Variants in MOK observed in about 807,000 individuals in gnomAD.
The protein encoded by MOK is MAPK/MAK/MRK overlapping kinase.
A neutral mutation model predicts 54.2 loss-of-function variants in MOK; 59 were observed. That is an observed-to-expected ratio of 1.09 (90% CI 0.88 to 1.35). The LOEUF (loss-of-function observed/expected upper bound fraction) is 1.35, where lower values mean the gene tolerates loss of function less well. Among genes scored for constraint, MOK ranks in the 40% most tolerant of loss-of-function variants. The probability of loss-of-function intolerance (pLI) is 0.00; values close to 1 mark genes in which losing one functional copy is unlikely to be tolerated. For synonymous variants in MOK, 210 were observed against 202.7 expected, an observed-to-expected ratio of 1.04 and a Z score of -0.31; for missense variants, 517 against 526.2, an observed-to-expected ratio of 0.98 and a Z score of 0.17.
At chr14:102,257,404 C>A (rs1416803201) in intron 4 of MOK, among the ~76,000 whole-genome samples, 1 of 152,082 alleles carries the variant, frequency 6.6e-6, no homozygotes, top group Non-Finnish European at 1.5e-5. Context: ...TGAGAAGCAA[C>A]TTCCTATAGG....
intron 2 of MOK, among the ~76,000 whole-genome samples, chr14:102,268,539 G>A (rs10138770): frequency 0.02 from 3,040 of 152,140 alleles, 74 homozygotes; most frequent in African/African-American, 0.051. Flanking sequence ...CCTTTGCTCC[G>A]AAAAGAACCA....
chr14:102,219,314 G>C, the MOK span, among the ~76,000 whole-genome samples: 1 of 152,254 alleles, frequency 6.6e-6, no homozygotes, highest in African/African-American at 2.4e-5. Flanking sequence ...GCAAGTGACA[G>C]GTGCCAAGAT....
At chr14:102,221,777 G>C (rs1296824515), downstream of MOK, among the ~76,000 whole-genome samples, 1 of 152,200 alleles carries the variant, frequency 6.6e-6, no homozygotes, top group Non-Finnish European at 1.5e-5. The surrounding 1 kb of genome is among the most constrained non-coding windows in gnomAD (Gnocchi z 4.8). Flanking sequence ...GTCCACACAA[G>C]TCCAATATGT....
intron 4 of MOK, among the ~76,000 whole-genome samples, chr14:102,258,318 G>C (rs980866606): frequency 3.3e-5 from 5 of 152,088 alleles, no homozygotes; most frequent in African/African-American, 1.2e-4. Context: ...CAGCCACATG[G>C]GCCTCTTCCC....
chr14:102,290,103 A>T (rs997483916), intron 1 of MOK, among the ~76,000 whole-genome samples: 2 of 151,432 alleles, frequency 1.3e-5, no homozygotes, highest in Admixed American at 6.6e-5. Flanking sequence ...TGGTCCTGGA[A>T]ACTTACAAGA....
intron 4 of MOK, among the ~76,000 whole-genome samples, chr14:102,262,692 T>C (rs768224172): frequency 1.1e-4 from 17 of 152,250 alleles, no homozygotes; most frequent in Non-Finnish European, 2.2e-4. Context: ...AAATTTTCCA[T>C]AGCACATCAT....
In MOK at chr14:102,282,901, A is replaced by T. The variant is rs564279040; in HGVS notation, c.122+577T>A. Among the ~76,000 whole-genome samples, 6 of 152,092 alleles carry T rather than the reference A, an allele frequency of 3.9e-5. No homozygotes were observed. In the South Asian group the frequency reaches 1.2e-3, roughly 32 times the overall value. On this transcript the variant is annotated intron_variant, in intron 2 of 11. Transcript: ENST00000361847. ...AACCTGATCTATACTTAAAAAAAAT[A>T]ATAATTAGCCGGGCTTGGTGGCACA...
downstream of MOK, among the ~76,000 whole-genome samples, chr14:102,224,275 C>T (rs1190560): frequency 1.6e-3 from 237 of 151,980 alleles, 2 homozygotes; most frequent in East Asian, 0.036. Flanking sequence ...CTCCTGACCT[C>T]GTGATCCGCC....
downstream of MOK, among the ~76,000 whole-genome samples, chr14:102,226,690 G>T (rs978233789): frequency 5.3e-5 from 8 of 152,230 alleles, no homozygotes; most frequent in African/African-American, 1.9e-4. This position sits in a 1 kb window ranked among gnomAD's most constrained non-coding sequence, Gnocchi z 4.8. Context: ...CAAGGGCCAA[G>T]TGCAGGGCGG....
intron 1 of MOK, among the ~76,000 whole-genome samples, chr14:102,297,727 G>A (rs1047126737): frequency 9.2e-5 from 14 of 152,316 alleles, no homozygotes; most frequent in Admixed American, 2.0e-4. Context: ...TGGTGCTTGC[G>A]GGCCAGCATG....
At chr14:102,233,172 A>T (rs1191313586) in intron 8 of MOK, 1 of 155,796 alleles carries the variant, frequency 6.4e-6, no homozygotes, top group African/African-American at 2.4e-5. Context: ...AATGGTTGCC[A>T]CCTTCTCCCT....
At chr14:102,261,069 A>C (rs2067351751) in intron 4 of MOK, among the ~76,000 whole-genome samples, 1 of 151,972 alleles carries the variant, frequency 6.6e-6, no homozygotes, top group South Asian at 2.1e-4. Context: ...CATCCTGGCC[A>C]ACATGGTGAA....
intron 7 of MOK, chr14:102,234,125 G>C (rs368429717): frequency 1.3e-5 from 3 of 226,448 alleles, no homozygotes; most frequent in South Asian, 8.6e-5. Context: ...AAACTTGCTT[G>C]CCTGACTTTA....
At chr14:102,270,284 G>A (rs907404304) in intron 2 of MOK, among the ~76,000 whole-genome samples, 91 of 152,322 alleles carry the variant, frequency 6.0e-4, no homozygotes, top group African/African-American at 1.9e-3. Flanking sequence ...ACTAAAGGAA[G>A]AAAGGGTTAA....
the MOK span, among the ~76,000 whole-genome samples, chr14:102,216,151 T>TC: frequency 6.6e-6 from 1 of 152,002 alleles, no homozygotes; most frequent in Non-Finnish European, 1.5e-5. Context: ...GAGTGCGGGG[T>TC]CAGCAGAGCC....
chr14:102,291,658 T>C (rs2070766929), intron 1 of MOK, among the ~76,000 whole-genome samples: 1 of 152,142 alleles, frequency 6.6e-6, no homozygotes, highest in Non-Finnish European at 1.5e-5. Context: ...CTTCTCTCCT[T>C]AGAAAGGTCT....
At chr14:102,217,991 T>G in the MOK span, among the ~76,000 whole-genome samples, 1 of 152,208 alleles carries the variant, frequency 6.6e-6, no homozygotes, top group Non-Finnish European at 1.5e-5. Context: ...GCCTTCTCCC[T>G]CTGGGGGACG....
chr14:102,270,838 T>C (rs1268265726), intron 2 of MOK, among the ~76,000 whole-genome samples: 1 of 152,204 alleles, frequency 6.6e-6, no homozygotes, highest in African/African-American at 2.4e-5. Context: ...GTGGTGACAG[T>C]TGCACAGCCG....
At chr14:102,293,536 T>G (rs1412206638) in intron 1 of MOK, among the ~76,000 whole-genome samples, 1 of 151,024 alleles carries the variant, frequency 6.6e-6, no homozygotes, top group African/African-American at 2.4e-5. Context: ...CTGTCTCTAC[T>G]AAAAATACAA....
Sources: gnomAD v4.1 joint callset for allele counts (sites outside exome capture counted in the v4.1 genomes callset) on GRCh38, gnomAD v4.1.1 for gene constraint, Gnocchi (gnomAD v3.1) non-coding constraint, MANE v1.5 for transcripts, NCBI Gene and HGNC (gene_info 2026-07-23, HGNC 2026-07-21) for gene names.